TERB2: variants seen among roughly 807,000 people sequenced by gnomAD.
TERB2 encodes telomere repeat binding bouquet formation protein 2.
Under a neutral mutation model 29.8 loss-of-function variants are expected in TERB2, and 26 were observed. That is an observed-to-expected ratio of 0.87 (90% CI 0.64 to 1.21). TERB2 has a LOEUF of 1.21. Among genes scored for constraint, TERB2 ranks in the 50% most tolerant of loss-of-function variants. The pLI is 0.00. For synonymous variants in TERB2, 80 were observed against 90.8 expected (o/e 0.88, Z 0.68); for missense variants, 240 against 268.6 (o/e 0.89, Z 0.74).
At chr15:44,963,223 G>A (rs183980515) in intron 4 of TERB2, among the ~76,000 whole-genome samples, 47 of 152,330 alleles carry the variant, frequency 3.1e-4, no homozygotes, top group African/African-American at 9.9e-4. Flanking sequence ...TCTTTACAAT[G>A]GAGCGATCTG....
At chr15:44,977,451 T>C (rs1892062380) in intron 6 of TERB2, among the ~76,000 whole-genome samples, 1 of 152,246 alleles carries the variant, frequency 6.6e-6, no homozygotes. Flanking sequence ...ACAGTGTATA[T>C]GTGCAATTAA....
At chr15:44,976,962 C>G (rs1276750561) in intron 6 of TERB2, among the ~76,000 whole-genome samples, 1 of 152,022 alleles carries the variant, frequency 6.6e-6, no homozygotes, top group East Asian at 1.9e-4. Flanking sequence ...TATTTTCTAC[C>G]ATGAAAAGAA....
At chr15:44,968,643 G>A (rs549246867) in intron 5 of TERB2, among the ~76,000 whole-genome samples, 3 of 136,886 alleles carry the variant, frequency 2.2e-5, no homozygotes, top group East Asian at 2.1e-4. Context: ...CCCCAGGGGT[G>A]GAGTGCAGTG....
At chr15:44,970,614 G>T in intron 5 of TERB2, 1 of 164,558 alleles carries the variant, frequency 6.1e-6, no homozygotes, top group South Asian at 1.8e-4. Context: ...AGGTTTGTTT[G>T]GTTTTTGAGT....
At chr15:44,964,354 T>C (rs984093271) in intron 4 of TERB2, among the ~76,000 whole-genome samples, 2 of 152,190 alleles carry the variant, frequency 1.3e-5, no homozygotes, top group South Asian at 2.1e-4. Context: ...AGTTTTTTTT[T>C]CTAGGAGGTA....
chr15:44,978,688 T>G lies in TERB2; in HGVS notation c.*60T>G. The G allele has an allele frequency of 7.1e-7, 1 of 1,405,778 alleles. No individual in the cohort carries two copies. Among genetic ancestry groups the G allele is most frequent in the Middle Eastern group, 2.7e-4 (1 of 3,682 alleles). The allele number at this position is 1,405,778 out of a possible 1,614,324, so 87.1% of individuals were successfully genotyped here. A position where few individuals can be genotyped will look rare whatever the true frequency, so the allele number is the denominator to read the frequency against. On this transcript the variant is annotated 3_prime_UTR_variant, in exon 7 of 7. Transcript: ENST00000340827. ...CTATAAAATATTATACAGATGTGCA[T>G]ATCATAAAATGCTCCCTTTTGGTAC...
At chr15:44,969,076 T>C (rs1428829397) in intron 5 of TERB2, among the ~76,000 whole-genome samples, 1 of 151,958 alleles carries the variant, frequency 6.6e-6, no homozygotes, top group African/African-American at 2.4e-5. Flanking sequence ...GGACCGCAGA[T>C]GTGGGCCACC....
intron 6 of TERB2, among the ~76,000 whole-genome samples, chr15:44,975,573 G>GT (rs1481427478): frequency 6.6e-6 from 1 of 152,018 alleles, no homozygotes; most frequent in African/African-American, 2.4e-5. Context: ...CTAGAACAGG[G>GT]TTTCTCAGTT....
At position 44,969,209 on chromosome 15, in the gene TERB2, C is replaced by G. The variant is rs1221800250; in HGVS notation, c.434+2966C>G. 3.3e-5 allele frequency among the ~76,000 whole-genome samples: 5 copies of G among 152,202 alleles called. No individual in the cohort carries two copies. The East Asian group carries it at 9.7e-4, about 29-fold the overall frequency. Reference sequence around the variant, plus strand: ...ACCTCCACCTCCTGGGTTCAAGCAACTTTCGTGCCTCAGCCTCCTGAGTAG... The same window carrying G: ...ACCTCCACCTCCTGGGTTCAAGCAAGTTTCGTGCCTCAGCCTCCTGAGTAG... On this transcript the variant is annotated intron_variant, in intron 5 of 6. Transcript: ENST00000340827.
intron 6 of TERB2, 101 bp downstream of exon 6, chr15:44,974,056 C>CT: frequency 8.8e-7 from 1 of 1,130,598 alleles, no homozygotes; most frequent in Non-Finnish European, 1.1e-6. Context: ...GAGAGTAGAG[C>CT]CTTCTCTAGT....
intron 4 of TERB2, among the ~76,000 whole-genome samples, chr15:44,963,433 G>A (rs1891837009): frequency 6.6e-6 from 1 of 152,092 alleles, no homozygotes; most frequent in South Asian, 2.1e-4. Context: ...ACAATTAACC[G>A]ACCTGGACTC....
rs1891804508 is a variant in TERB2, at chr15:44,961,600, G to A, written c.348+16G>A. 3.2e-6 allele frequency: 5 copies of A among 1,549,750 alleles called. No homozygotes were observed. Among genetic ancestry groups the A allele is most frequent in the Non-Finnish European group, 4.4e-6 (5 of 1,141,186 alleles). The stretch of plus-strand genomic sequence containing the variant: ...GATAGAAAAGGTAAGAGTAAATTAA[G>A]GTACTTGATTAGCATCTACAGCTTC... On this transcript the variant is annotated intron_variant, in intron 4 of 6. Transcript: ENST00000340827.
At position 44,978,616 on chromosome 15, in the gene TERB2, G is replaced by C; in HGVS notation, c.651G>C (p.Leu217Phe). The change falls in exon 7 of 7, where the codon TTG (leucine) becomes TTC (phenylalanine). Residue 217 changes from leucine (L) to phenylalanine (F), a missense_variant. Transcript: ENST00000340827. ...ATATGTCTGCTATAAAAAACAAATTGAAGAGGAAATAGTAAATTAAATTGT... is the reference window on the plus strand; with the variant it reads ...ATATGTCTGCTATAAAAAACAAATTCAAGAGGAAATAGTAAATTAAATTGT... The part of the protein sequence containing the change: ...EINMSAIKNK[L>F]KRK 5.0e-6 allele frequency: 8 copies of C among 1,594,884 alleles called. No homozygotes were observed. Among genetic ancestry groups the C allele is most frequent in the Non-Finnish European group, 6.8e-6 (8 of 1,171,916 alleles).
At chr15:44,970,806 G>GTTTATTCAATACT (rs1401787316) in intron 5 of TERB2, 1 of 156,114 alleles carries the variant, frequency 6.4e-6, no homozygotes, top group Non-Finnish European at 1.4e-5. Flanking sequence ...GATTGCATCT[G>GTTTATTCAATACT]TTTATTCAAT....
intron 6 of TERB2, among the ~76,000 whole-genome samples, chr15:44,976,507 G>A (rs1892049468): frequency 6.6e-6 from 1 of 152,128 alleles, no homozygotes; most frequent in Non-Finnish European, 1.5e-5. Flanking sequence ...ATAAGAAAGA[G>A]CACGCCCAAG....
chr15:44,963,400 C>T (rs1035784578), intron 4 of TERB2, among the ~76,000 whole-genome samples: 9 of 152,064 alleles, frequency 5.9e-5, no homozygotes, highest in Non-Finnish European at 1.0e-4. Context: ...CAGACAAATC[C>T]AGAATATGGA....
chr15:44,958,295 G>T (rs909813227), intron 2 of TERB2, 78 bp from the exon 3 acceptor site: 56 of 1,470,076 alleles, frequency 3.8e-5, no homozygotes, highest in Middle Eastern at 2.0e-4. Flanking sequence ...TACTTCCAGT[G>T]ATTTATTTAT....
intron 2 of TERB2, among the ~76,000 whole-genome samples, chr15:44,957,213 C>CA (rs112896617): frequency 0.037 from 4,021 of 109,868 alleles, 53 homozygotes; most frequent in African/African-American, 0.053. Context: ...GATTCCATCT[C>CA]AAAAAAAAAA....
chr15:44,961,709 A>T (rs2141239575), intron 4 of TERB2, 125 bp downstream of exon 4: 1 of 614,268 alleles, frequency 1.6e-6, no homozygotes, highest in East Asian at 3.4e-5. Flanking sequence ...AGATTGATTT[A>T]TTTATTTTGA....
Sources: gnomAD v4.1 joint callset for allele counts (sites outside exome capture counted in the v4.1 genomes callset) on GRCh38, gnomAD v4.1.1 for gene constraint, MANE v1.5 for transcripts, NCBI Gene and HGNC (gene_info 2026-07-23, HGNC 2026-07-21) for gene names.